Variants in SHROOM3 observed in about 807,000 individuals in gnomAD.
SHROOM3 encodes the protein protein Shroom3.
In SHROOM3, 47 loss-of-function variants were observed where a neutral mutation model predicts 138.6. That is an observed-to-expected ratio of 0.34 (90% CI 0.27 to 0.43). The LOEUF (loss-of-function observed/expected upper bound fraction) is 0.43, where lower values mean the gene tolerates loss of function less well. SHROOM3 is among the 20% of genes least tolerant of loss of function. The pLI is 1.00. For synonymous variants in SHROOM3, 1,062 were observed against 1,063.3 expected (o/e 1.00, Z 0.02); for missense variants, 2,491 against 2,596.5 (o/e 0.96, Z 0.88).
chr4:76,714,597 T>C (rs1421340577), intron 3 of SHROOM3, among the ~76,000 whole-genome samples: 1 of 152,244 alleles, frequency 6.6e-6, no homozygotes, highest in Non-Finnish European at 1.5e-5. Context: ...TTGTAATTAA[T>C]AAATAACCTT....
rs547520222 is a variant in SHROOM3, at chr4:76,580,979, C to T, written c.323+25216C>T. Among the ~76,000 whole-genome samples the T allele has an allele frequency of 1.1e-4, 17 of 152,180 alleles. No homozygotes were observed. The South Asian group carries it at 2.1e-3, about 19-fold the overall frequency. Reference sequence around the variant, plus strand: ...TAAGTTTTAGGGTACATGTGCACAACGTGCCTTATTTATTCTTTATATTAG... The same window carrying T: ...TAAGTTTTAGGGTACATGTGCACAATGTGCCTTATTTATTCTTTATATTAG... On this transcript the variant is annotated intron_variant, in intron 2 of 10. Coordinates refer to ENST00000296043, the MANE Select transcript of SHROOM3 (RefSeq NM_020859.4).
chr4:76,761,449 T>A (rs1257162733), intron 9 of SHROOM3, among the ~76,000 whole-genome samples: 2 of 152,226 alleles, frequency 1.3e-5, no homozygotes, highest in Admixed American at 6.5e-5. Context: ...CTATCTTACT[T>A]GCACAAAACT....
At chr4:76,438,912 GCAAAAGAC>G (rs1403674004) in intron 1 of SHROOM3, among the ~76,000 whole-genome samples, 3 of 152,138 alleles carry the variant, frequency 2.0e-5, no homozygotes, top group Non-Finnish European at 4.4e-5. Flanking sequence ...GAATTAATAA[GCAAAAGAC>G]CAAACAGAAC....
intron 1 of SHROOM3, among the ~76,000 whole-genome samples, chr4:76,441,142 T>A (rs1460758185): frequency 7.9e-6 from 1 of 127,272 alleles, no homozygotes; most frequent in Non-Finnish European, 1.6e-5. Flanking sequence ...CAGGCTGGAG[T>A]GCAGTGCAGT....
chr4:76,749,197 A>T, intron 6 of SHROOM3, 107 bp downstream of exon 6: 1 of 1,112,470 alleles, frequency 9.0e-7, no homozygotes, highest in Non-Finnish European at 1.4e-6. Flanking sequence ...ATAGTGTCAC[A>T]TGCTTTTTTG....
In SHROOM3 at chr4:76,739,898, C is replaced by A; in HGVS notation, c.1725C>A (p.Leu575=). The A allele has an allele frequency of 3.1e-6, 5 of 1,614,212 alleles. No individual in the cohort carries two copies. In the East Asian group the frequency reaches 1.1e-4, roughly 36 times the overall value. The change falls in exon 5 of 11, where the codon CTC becomes CTA. Residue 575 remains leucine (L), a synonymous_variant. Coordinates refer to ENST00000296043, the MANE Select transcript of SHROOM3 (RefSeq NM_020859.4). ...AGGATGCCTCCCTGAAGAGACATCT[C>A]ACACCTCCCCAAGGCAACAGCCCAC... ...NEEDASLKRH[L]TPPQGNSPHS...
At chr4:76,688,012 G>A (rs78339365) in intron 2 of SHROOM3, among the ~76,000 whole-genome samples, 1 of 152,192 alleles carries the variant, frequency 6.6e-6, no homozygotes, top group African/African-American at 2.4e-5. Context: ...GGCAATGTGC[G>A]TTATAAACTG....
intron 2 of SHROOM3, among the ~76,000 whole-genome samples, chr4:76,599,320 A>G (rs1471342166): frequency 6.6e-6 from 1 of 152,102 alleles, no homozygotes; most frequent in Non-Finnish European, 1.5e-5. Context: ...CCCTTCAGAG[A>G]ATGAGCAATT....
chr4:76,634,282 G>A (rs920448101), intron 2 of SHROOM3, among the ~76,000 whole-genome samples: 4 of 152,116 alleles, frequency 2.6e-5, no homozygotes, highest in African/African-American at 9.7e-5. Context: ...GGAGTAATAA[G>A]CCCTCAGGAG....
rs2110135518 is a variant in SHROOM3, at chr4:76,741,960, G to T, written c.3753+34G>T. 1 of 1,604,946 alleles carries T rather than the reference G, an allele frequency of 6.2e-7. No homozygotes were observed. The highest frequency in any genetic ancestry group is 8.5e-7 in the Non-Finnish European group (1 of 1,176,708). On this transcript the variant is annotated intron_variant, in intron 5 of 10. Coordinates refer to ENST00000296043, the MANE Select transcript of SHROOM3 (RefSeq NM_020859.4). This position sits in a 1 kb window ranked among gnomAD's most constrained non-coding sequence, Gnocchi z 6.2. ...AACCAGCAAGTCCTGGCCTCGAACT[G>T]TCCCTTCCTCCCTAGAAGCTTTAGT...
At chr4:76,676,538 A>G (rs1719031652) in intron 2 of SHROOM3, among the ~76,000 whole-genome samples, 1 of 152,122 alleles carries the variant, frequency 6.6e-6, no homozygotes, top group Non-Finnish European at 1.5e-5. Flanking sequence ...TTGGATGAGG[A>G]TCAGAGGCAT....
chr4:76,686,894 C>G (rs569957777), intron 2 of SHROOM3, among the ~76,000 whole-genome samples: 3 of 152,274 alleles, frequency 2.0e-5, no homozygotes, highest in Non-Finnish European at 4.4e-5. Context: ...CTGGTTTTGA[C>G]TCAGGACCAC....
chr4:76,476,318 G>A (rs1731484306), intron 1 of SHROOM3, among the ~76,000 whole-genome samples: 1 of 152,162 alleles, frequency 6.6e-6, no homozygotes, highest in Non-Finnish European at 1.5e-5. Flanking sequence ...GCTTTTCCTA[G>A]ACTCTCAAAG....
chr4:76,738,778 T>G lies in SHROOM3; in HGVS notation c.605T>G (p.Leu202Arg). 1 of 1,614,176 alleles carries G rather than the reference T, an allele frequency of 6.2e-7. No homozygotes were observed. The highest frequency in any genetic ancestry group is 8.5e-7 in the Non-Finnish European group (1 of 1,180,028). The change falls in exon 5 of 11, where the codon CTC becomes CGC. Residue 202 changes from leucine (L) to arginine (R), a missense_variant. Leu to Arg is a moderately radical substitution (Grantham distance 102). This residue lies in a region of SHROOM3 where 284 missense variants were observed against 322.8 expected (regional missense o/e 0.88). Transcript: ENST00000296043. ...SYHSSSSTSDLSNYDHAYLRR... is the reference protein window; with the variant it reads ...SYHSSSSTSDRSNYDHAYLRR... ...TCTTCCAGCTCCTCTACTAGTGACC[T>G]CTCCAACTATGACCATGCTTATCTA... is the stretch of plus-strand genomic sequence containing the variant.
chr4:76,723,298 AC>A (rs1304863223), intron 3 of SHROOM3, among the ~76,000 whole-genome samples: 1 of 151,828 alleles, frequency 6.6e-6, no homozygotes, highest in Non-Finnish European at 1.5e-5. Flanking sequence ...TCTGCTCTTC[AC>A]TCACAAGGCT....
At chr4:76,768,238 T>G (rs1722226601) in intron 9 of SHROOM3, among the ~76,000 whole-genome samples, 1 of 152,204 alleles carries the variant, frequency 6.6e-6, no homozygotes, top group African/African-American at 2.4e-5. Context: ...CAGCATGCAG[T>G]GTTTATTTTT....
intron 1 of SHROOM3, among the ~76,000 whole-genome samples, chr4:76,495,253 C>A (rs1456352810): frequency 1.3e-5 from 2 of 152,216 alleles, no homozygotes; most frequent in African/African-American, 4.8e-5. Context: ...GGATTGGTAT[C>A]CCCAGCTGTA....
chr4:76,586,608 G>A (rs1263915223), intron 2 of SHROOM3: 2 of 369,552 alleles, frequency 5.4e-6, no homozygotes, highest in African/African-American at 2.2e-5. Flanking sequence ...AAATCACCAA[G>A]GTTTTGGGCT....
intron 1 of SHROOM3, among the ~76,000 whole-genome samples, chr4:76,467,724 T>C (rs1476845252): frequency 6.6e-6 from 1 of 152,174 alleles, no homozygotes; most frequent in Non-Finnish European, 1.5e-5. Context: ...ATGGAAAGAC[T>C]TGAGATGAAG....
Sources: allele counts gnomAD v4.1 joint callset (sites outside exome capture counted in the v4.1 genomes callset), GRCh38; gene constraint gnomAD v4.1.1; regional missense constraint gnomAD v4.1.1; non-coding constraint Gnocchi (gnomAD v3.1); transcripts MANE v1.5; gene names NCBI Gene and HGNC (gene_info 2026-07-23, HGNC 2026-07-21).